Variants in CRYL1 observed in about 807,000 individuals in gnomAD.
CRYL1 encodes lambda-crystallin homolog.
A neutral mutation model predicts 36.6 loss-of-function variants in CRYL1; 29 were observed. The ratio of observed to expected loss-of-function variants is 0.79; its 90% CI spans 0.59 to 1.08. The LOEUF (loss-of-function observed/expected upper bound fraction) is 1.08, where lower values mean the gene tolerates loss of function less well. Among genes scored for constraint, CRYL1 ranks in the 50% least tolerant of loss-of-function variants. CRYL1 has a pLI of 0.00. For missense variants in CRYL1, 411 were observed against 407.9 expected (o/e 1.01, Z -0.06); for synonymous variants, 152 against 151.5 (o/e 1.00, Z -0.02).
intron 7 of CRYL1, 24 bp from the exon 8 acceptor site, chr13:20,404,266 A>C: frequency 7.0e-7 from 1 of 1,433,204 alleles, no homozygotes; most frequent in Non-Finnish European, 9.8e-7. Context: ...AAGGAAAAAA[A>C]AGGACAATAA....
intron 4 of CRYL1, 64 bp downstream of exon 4, chr13:20,439,529 A>AG: frequency 6.4e-5 from 54 of 842,820 alleles, no homozygotes; most frequent in East Asian, 8.4e-5. Flanking sequence ...AAAAAAAAAA[A>AG]AGAAAAAAAA....
intron 6 of CRYL1, among the ~76,000 whole-genome samples, chr13:20,407,391 TTA>T (rs1278231637): frequency 3.9e-5 from 6 of 152,172 alleles, no homozygotes; most frequent in African/African-American, 1.4e-4. Context: ...CCCAGTAAAC[TTA>T]TGACTGTGAC....
At chr13:20,421,009 A>G (rs1359503506) in intron 5 of CRYL1, among the ~76,000 whole-genome samples, 2 of 152,066 alleles carry the variant, frequency 1.3e-5, no homozygotes, top group African/African-American at 2.4e-5. Context: ...CTGGGATTAC[A>G]GGCGTGAGCC....
chr13:20,496,279 C>G (rs1297426441), intron 2 of CRYL1, among the ~76,000 whole-genome samples: 1 of 152,142 alleles, frequency 6.6e-6, no homozygotes, highest in Non-Finnish European at 1.5e-5. Flanking sequence ...GTTTAATGGG[C>G]ACAGAGTTCA....
At chr13:20,471,834 T>TTTCTCTCTCTCTCTTC (rs2033068462) in intron 3 of CRYL1, among the ~76,000 whole-genome samples, 1 of 151,976 alleles carries the variant, frequency 6.6e-6, no homozygotes, top group Admixed American at 6.6e-5. Flanking sequence ...TCTCTCTCTT[T>TTTCTCTCTCTCTCTTC]TTCTCTCTCT....
chr13:20,468,603 TTTTG>T (rs1404610180), intron 3 of CRYL1, among the ~76,000 whole-genome samples: 10 of 152,112 alleles, frequency 6.6e-5, no homozygotes, highest in East Asian at 1.9e-4. Context: ...TTTACCTAGT[TTTTG>T]TTTGTTTGTT....
At chr13:20,492,001 T>C (rs1411253373) in intron 2 of CRYL1, among the ~76,000 whole-genome samples, 1 of 152,066 alleles carries the variant, frequency 6.6e-6, no homozygotes, top group African/African-American at 2.4e-5. Context: ...TGAAACATCA[T>C]GGAGGGAAAT....
chr13:20,463,680 T>C (rs1348992272), intron 3 of CRYL1, among the ~76,000 whole-genome samples: 1 of 152,168 alleles, frequency 6.6e-6, no homozygotes, highest in Admixed American at 6.5e-5. Context: ...CCCACACAAA[T>C]TGAAACCATG....
intron 1 of CRYL1, among the ~76,000 whole-genome samples, chr13:20,524,109 C>T (rs1353224065): frequency 1.3e-5 from 2 of 152,082 alleles, no homozygotes; most frequent in African/African-American, 2.4e-5. Context: ...AAAAATCAGC[C>T]GGGTATGGTG....
intron 2 of CRYL1, among the ~76,000 whole-genome samples, chr13:20,503,222 G>A (rs1242745007): frequency 1.3e-5 from 2 of 152,232 alleles, no homozygotes; most frequent in Non-Finnish European, 2.9e-5. Flanking sequence ...TGACAGCTAA[G>A]TGATAGCAGG....
chr13:20,449,441 T>TA (rs2032522310), intron 3 of CRYL1, among the ~76,000 whole-genome samples: 2 of 152,004 alleles, frequency 1.3e-5, no homozygotes, highest in Non-Finnish European at 2.9e-5. Context: ...AATAGAACCA[T>TA]AAAAATGTTC....
Position 20,512,695 on chromosome 13 carries a change from G to A in CRYL1, c.42-145C>T, listed in dbSNP as rs148138006. 1,062 of 592,844 alleles carry A rather than the reference G, an allele frequency of 1.8e-3. 9 individuals are homozygous for A. The highest frequency in any genetic ancestry group is 0.018 in the African/African-American group (956 of 53,870). The allele number at this position is 592,844 out of a possible 1,614,324, so 36.7% of individuals were successfully genotyped here. ...TATCTTAAAAGTACACATTTTAGCC[G>A]GGCACAGAAAGACAAATATCACATG... On this transcript the variant is annotated intron_variant, in intron 1 of 7. Transcript: ENST00000298248.
At chr13:20,411,648 A>G (rs550192864) in intron 6 of CRYL1, among the ~76,000 whole-genome samples, 5 of 152,246 alleles carry the variant, frequency 3.3e-5, no homozygotes, top group Admixed American at 6.5e-5. Flanking sequence ...GGTTGAAAAC[A>G]CCATTTGAAA....
At position 20,479,078 on chromosome 13, in the gene CRYL1, G is replaced by A. The variant is rs192995364; in HGVS notation, c.276+10292C>T. ...AAGGATTACAGGTGTGAGCCACCGC[G>A]CCTGGCCATCTTTCTTTTAAATAGG... On this transcript the variant is annotated intron_variant, in intron 3 of 7. Coordinates refer to ENST00000298248, the MANE Select transcript of CRYL1 (RefSeq NM_015974.3). 2.9e-3 allele frequency among the ~76,000 whole-genome samples: 448 copies of A among 152,098 alleles called. 3 individuals carry two copies. The highest frequency in any genetic ancestry group is 0.01 in the African/African-American group (419 of 41,492).
chr13:20,477,971 T>TTTTA (rs1555230697), intron 3 of CRYL1, among the ~76,000 whole-genome samples: 2,461 of 113,964 alleles, frequency 0.022, 31 homozygotes, highest in Non-Finnish European at 0.037. Context: ...TATTACGTAG[T>TTTTA]TATATATATA....
intron 3 of CRYL1, among the ~76,000 whole-genome samples, chr13:20,469,699 A>G (rs1383659625): frequency 1.3e-5 from 2 of 152,232 alleles, no homozygotes; most frequent in Non-Finnish European, 2.9e-5. Flanking sequence ...GCCAAGCATG[A>G]CAACGTTTAA....
At chr13:20,462,851 A>C (rs2032859089) in intron 3 of CRYL1, among the ~76,000 whole-genome samples, 1 of 152,124 alleles carries the variant, frequency 6.6e-6, no homozygotes, top group African/African-American at 2.4e-5. Context: ...GAAAAAGCAC[A>C]GGCAAAACTG....
In CRYL1 at chr13:20,443,934, C is replaced by G. The variant is rs1025600177; in HGVS notation, c.277-4180G>C. 1.3e-5 allele frequency among the ~76,000 whole-genome samples: 2 copies of G among 152,210 alleles called. 1 individual carries two copies. The highest frequency in any genetic ancestry group is 3.8e-4 in the East Asian group (2 of 5,202). On this transcript the variant is annotated intron_variant, in intron 3 of 7. Transcript: ENST00000298248. ...ATCATAGCAAAAGGAAATCCACTCTCAGGCTGAAGATGGAGGCGTTCTACA... is the reference window on the plus strand; with the variant it reads ...ATCATAGCAAAAGGAAATCCACTCTGAGGCTGAAGATGGAGGCGTTCTACA...
chr13:20,462,240 G>A (rs576327154), intron 3 of CRYL1, among the ~76,000 whole-genome samples: 32 of 151,762 alleles, frequency 2.1e-4, no homozygotes, highest in African/African-American at 7.5e-4. Flanking sequence ...GGAGAAGGAG[G>A]CAGGAGGATG....
Sources: gnomAD v4.1 joint callset for allele counts (sites outside exome capture counted in the v4.1 genomes callset) on GRCh38, gnomAD v4.1.1 for gene constraint, MANE v1.5 for transcripts, NCBI Gene and HGNC (gene_info 2026-07-23, HGNC 2026-07-21) for gene names.